The following FOXP1 variants were observed in gnomAD, a reference collection of about 807,000 sequenced individuals.
The protein encoded by FOXP1 is forkhead box protein P1.
A neutral mutation model predicts 98.2 loss-of-function variants in FOXP1; 15 were observed. The observed-to-expected ratio is 0.15, with a 90% CI of 0.10 to 0.24. The LOEUF (loss-of-function observed/expected upper bound fraction) is 0.24. Ranked by LOEUF, FOXP1 falls within the 10% of genes least tolerant of loss-of-function variation. FOXP1 has a pLI of 1.00. For missense variants in FOXP1, 633 were observed against 848.5 expected (o/e 0.75, Z 3.15); for synonymous variants, 371 against 314.5 (o/e 1.18, Z -1.90).
Position 71,308,749 on chromosome 3 carries a change from A to ATGTGTGTG in FOXP1, c.-72-8877_-72-8870dup, listed in dbSNP as rs71104439. ...AATTATTATGAAGCATTCTACCACA[A>ATGTGTGTG]TGTGTGTGTGTGTGTGTGTGTGTGT... On this transcript the variant is annotated intron_variant, in intron 4 of 20. Coordinates refer to ENST00000649528, the MANE Select transcript of FOXP1 (RefSeq NM_001349338.3). Among the ~76,000 whole-genome samples, 561 of 132,246 alleles carry ATGTGTGTG rather than the reference A, an allele frequency of 4.2e-3. 5 individuals carry two copies. The highest frequency in any genetic ancestry group is 0.019 in the East Asian group (74 of 3,930). 86.8% of individuals were successfully genotyped at this position (132,246 alleles called of 152,430 possible).
intron 3 of FOXP1, among the ~76,000 whole-genome samples, chr3:71,434,040 C>A (rs1324668413): frequency 6.6e-6 from 1 of 152,184 alleles, no homozygotes; most frequent in Non-Finnish European, 1.5e-5. Flanking sequence ...AATGTGTCTA[C>A]TACACAAATG....
chr3:71,034,218 C>T (rs1009315775), intron 11 of FOXP1, among the ~76,000 whole-genome samples: 13 of 152,170 alleles, frequency 8.5e-5, no homozygotes, highest in Non-Finnish European at 1.9e-4. Context: ...AAAGATAGGT[C>T]TGGCCCCAAG....
chr3:71,491,383 A>G (rs2091048240), intron 3 of FOXP1, among the ~76,000 whole-genome samples: 1 of 152,216 alleles, frequency 6.6e-6, no homozygotes, highest in South Asian at 2.1e-4. Flanking sequence ...AAAGTCTATC[A>G]TACATGCATA....
At chr3:71,247,807 G>A (rs2067870934) in intron 5 of FOXP1, among the ~76,000 whole-genome samples, 1 of 152,162 alleles carries the variant, frequency 6.6e-6, no homozygotes, top group Non-Finnish European at 1.5e-5. Flanking sequence ...ACCCAAGTCT[G>A]ACCAATCAGT....
At chr3:71,423,082 G>A (rs1577417571) in intron 3 of FOXP1, among the ~76,000 whole-genome samples, 1 of 152,266 alleles carries the variant, frequency 6.6e-6, no homozygotes, top group East Asian at 1.9e-4. Context: ...AGGCAACCCA[G>A]TAAGATGCCA....
At chr3:71,290,988 C>T (rs745643199) in intron 5 of FOXP1, among the ~76,000 whole-genome samples, 11 of 152,234 alleles carry the variant, frequency 7.2e-5, no homozygotes, top group Non-Finnish European at 1.3e-4. Flanking sequence ...GAATAGGCTA[C>T]ATCTCTGCTC....
At chr3:70,971,984 A>AAAAC in intron 18 of FOXP1, 1 of 1,356,856 alleles carries the variant, frequency 7.4e-7, no homozygotes, top group African/African-American at 1.5e-5. Flanking sequence ...GCAGAAAAAA[A>AAAAC]AAACAAAAGC....
intron 2 of FOXP1, among the ~76,000 whole-genome samples, chr3:71,521,254 G>A (rs935505200): frequency 3.9e-5 from 6 of 152,180 alleles, no homozygotes; most frequent in African/African-American, 1.2e-4. Flanking sequence ...CCAGGAGGCC[G>A]GGCGTGGTGG....
chr3:71,448,490 C>T (rs2086654596), intron 3 of FOXP1, among the ~76,000 whole-genome samples: 1 of 152,160 alleles, frequency 6.6e-6, no homozygotes, highest in African/African-American at 2.4e-5. Flanking sequence ...GTTAAGATCA[C>T]TGGTATTAAG....
At chr3:71,020,897 TC>T (rs2045334160) in intron 11 of FOXP1, among the ~76,000 whole-genome samples, 1 of 152,124 alleles carries the variant, frequency 6.6e-6, no homozygotes, top group African/African-American at 2.4e-5. Flanking sequence ...GGTTTATGCC[TC>T]CCCACAAACA....
intron 11 of FOXP1, among the ~76,000 whole-genome samples, chr3:71,037,330 G>T (rs968095655): frequency 6.6e-6 from 1 of 151,968 alleles, no homozygotes; most frequent in African/African-American, 2.4e-5. Flanking sequence ...AAGCTCAAAG[G>T]GCTTTACTAA....
At chr3:71,011,733 T>C (rs2043671649) in intron 12 of FOXP1, among the ~76,000 whole-genome samples, 1 of 152,162 alleles carries the variant, frequency 6.6e-6, no homozygotes, top group Non-Finnish European at 1.5e-5. Flanking sequence ...CAGTTGCAGG[T>C]TGATAGTGGG....
intron 5 of FOXP1, among the ~76,000 whole-genome samples, chr3:71,238,304 G>A (rs1171228348): frequency 6.6e-6 from 1 of 152,184 alleles, no homozygotes; most frequent in African/African-American, 2.4e-5. Flanking sequence ...AGTAAGTAGG[G>A]ACAAATTACA....
At chr3:71,286,083 G>A (rs2072094941) in intron 5 of FOXP1, among the ~76,000 whole-genome samples, 1 of 152,172 alleles carries the variant, frequency 6.6e-6, no homozygotes, top group Non-Finnish European at 1.5e-5. Flanking sequence ...GTATGTCCCA[G>A]CACTGTTACC....
At chr3:71,088,583 A>T (rs995574494) in intron 7 of FOXP1, among the ~76,000 whole-genome samples, 1 of 152,030 alleles carries the variant, frequency 6.6e-6, no homozygotes, top group Admixed American at 6.6e-5. Flanking sequence ...TGCGTAAAGG[A>T]TCTCATTATT....
chr3:71,415,706 T>TA (rs1560454021), intron 3 of FOXP1, among the ~76,000 whole-genome samples: 1 of 151,986 alleles, frequency 6.6e-6, no homozygotes, highest in Non-Finnish European at 1.5e-5. Flanking sequence ...GTTGCTCTTT[T>TA]TTTTTTTTTT....
At chr3:71,556,665 CTTTT>C (rs557870209) in intron 2 of FOXP1, among the ~76,000 whole-genome samples, 1 of 136,778 alleles carries the variant, frequency 7.3e-6, no homozygotes, top group East Asian at 2.2e-4. Flanking sequence ...CTGCCATAGT[CTTTT>C]TTTTTTTTAA....
At chr3:71,221,037 T>G (rs972550399) in intron 5 of FOXP1, among the ~76,000 whole-genome samples, 1 of 151,894 alleles carries the variant, frequency 6.6e-6, no homozygotes, top group Non-Finnish European at 1.5e-5. Flanking sequence ...CTCCACCCAC[T>G]ACATTTTAGA....
chr3:70,994,971 G>GT (rs1243787838), intron 13 of FOXP1, among the ~76,000 whole-genome samples: 1 of 151,840 alleles, frequency 6.6e-6, no homozygotes, highest in African/African-American at 2.4e-5. Flanking sequence ...TCAGAAATAT[G>GT]TATCTGTACC....
Sources: gnomAD v4.1 joint callset for allele counts (sites outside exome capture counted in the v4.1 genomes callset) on GRCh38, gnomAD v4.1.1 for gene constraint, MANE v1.5 for transcripts, NCBI Gene and HGNC (gene_info 2026-07-23, HGNC 2026-07-21) for gene names.